The following TARS2 variants were observed in gnomAD, a reference collection of about 807,000 sequenced individuals.
The protein encoded by TARS2 is threonyl-tRNA synthetase 2, mitochondrial.
Under a neutral mutation model 94.4 loss-of-function variants are expected in TARS2, and 61 were observed. The ratio of observed to expected loss-of-function variants is 0.65; its 90% CI spans 0.53 to 0.80. The LOEUF is 0.80. TARS2 is among the 30% of genes least tolerant of loss of function. The pLI is 0.00. For missense variants in TARS2, 704 were observed against 902.5 expected, an observed-to-expected ratio of 0.78 and a Z score of 2.82; for synonymous variants, 359 against 353.4, an observed-to-expected ratio of 1.02 and a Z score of -0.18.
intron 6 of TARS2, chr1:150,491,964 T>TTG (rs1428189258): frequency 1.6e-5 from 3 of 190,284 alleles, no homozygotes; most frequent in African/African-American, 1.2e-4. Flanking sequence ...CTGGCTAGTT[T>TTG]TTTTTTTTTT....
At chr1:150,497,942 A>G (rs1042240300) in intron 10 of TARS2, among the ~76,000 whole-genome samples, 195 bp downstream of exon 10, 1 of 151,450 alleles carries the variant, frequency 6.6e-6, no homozygotes, top group African/African-American at 2.4e-5. Context: ...AAATACAAAA[A>G]ATTAGCCGGG....
At chr1:150,495,158 C>T (rs369247441) in intron 7 of TARS2, among the ~76,000 whole-genome samples, 8 of 143,340 alleles carry the variant, frequency 5.6e-5, no homozygotes, top group African/African-American at 1.3e-4. Context: ...CCAGCCTGGG[C>T]GACAGCGAGA....
chr1:150,507,073 A>G lies in TARS2; in HGVS notation c.*9A>G, dbSNP rs1670261920. The G allele has an allele frequency of 8.7e-6, 14 of 1,613,770 alleles. No individual in the cohort carries two copies. Among genetic ancestry groups the G allele is most frequent in the Non-Finnish European group, 1.2e-5 (14 of 1,179,888 alleles). On this transcript the variant is annotated 3_prime_UTR_variant, in exon 18 of 18. Coordinates refer to ENST00000369064, the MANE Select transcript of TARS2 (RefSeq NM_025150.5). ...CCGAAGAAATTTTCTGAGCCTTTGT[A>G]CATAGATGAGGCAAAAACCTGCGAG...
At chr1:150,504,460 T>G (rs1289294650) in intron 14 of TARS2, 25 bp downstream of exon 14, 1 of 1,612,160 alleles carries the variant, frequency 6.2e-7, no homozygotes, top group South Asian at 1.1e-5. Flanking sequence ...CCTATCCTCT[T>G]TTCCCTTGAC....
At chr1:150,499,586 G>A (rs1277478158) in intron 13 of TARS2, among the ~76,000 whole-genome samples, 13 of 152,044 alleles carry the variant, frequency 8.6e-5, no homozygotes, top group Non-Finnish European at 1.6e-4. Flanking sequence ...GACTGGTCTC[G>A]AACTCCTGAC....
At chr1:150,501,026 G>A (rs1352278332) in intron 13 of TARS2, among the ~76,000 whole-genome samples, 1 of 152,074 alleles carries the variant, frequency 6.6e-6, no homozygotes, top group African/African-American at 2.4e-5. Flanking sequence ...TGTAGGCATG[G>A]TAACAGGAAG....
In TARS2 at chr1:150,499,210, T is replaced by C; in HGVS notation, c.1540-6T>C. 6.2e-7 allele frequency: 1 copy of C among 1,614,140 alleles called. No homozygotes were observed. The highest frequency in any genetic ancestry group is 8.5e-7 in the Non-Finnish European group (1 of 1,180,018). On this transcript the variant is annotated splice_polypyrimidine_tract_variant and splice_region_variant and intron_variant, in intron 12 of 17. Coordinates refer to ENST00000369064, the MANE Select transcript of TARS2 (RefSeq NM_025150.5). ...TGTATTCCACTCTTGTCTCATTCCT[T>C]CAAAGGTCCTTAAACAGGCCCTGAA...
rs1450451091 is a variant in TARS2, at chr1:150,504,889, T to C, written c.1821-17T>C. The stretch of plus-strand genomic sequence containing the variant: ...CCAGAGTGACTAATTTGCCATCACC[T>C]GTTCTTTCCCTACCAGGCCACTGTG... On this transcript the variant is annotated splice_polypyrimidine_tract_variant and intron_variant, in intron 15 of 17. Transcript: ENST00000369064. The C allele has an allele frequency of 6.2e-7, 1 of 1,614,170 alleles. No homozygotes were observed. The highest frequency in any genetic ancestry group is 8.5e-7 in the Non-Finnish European group (1 of 1,179,990).
intron 7 of TARS2, among the ~76,000 whole-genome samples, chr1:150,495,136 C>T (rs1191527817): frequency 2.0e-5 from 3 of 150,332 alleles, no homozygotes; most frequent in Admixed American, 6.6e-5. Flanking sequence ...GCCAAGATCA[C>T]GCCACTGCAC....
Position 150,502,943 on chromosome 1 carries a change from A to G in TARS2, c.1618-1392A>G, listed in dbSNP as rs587768215. Among the ~76,000 whole-genome samples the G allele has an allele frequency of 9.4e-4, 143 of 152,340 alleles. 4 individuals are homozygous for G. In the South Asian group the frequency reaches 0.028, roughly 30 times the overall value. ...GAAAAAAATTGAGAGAGGTTAAACA[A>G]TGTGCTTAAGGTTACAGATATAACA... On this transcript the variant is annotated intron_variant, in intron 13 of 17. Transcript: ENST00000369064.
intron 7 of TARS2, among the ~76,000 whole-genome samples, chr1:150,494,370 CA>C (rs377287320): frequency 0.14 from 13,013 of 89,760 alleles, 345 homozygotes; most frequent in Non-Finnish European, 0.2. Context: ...GACAACATCT[CA>C]AAAAAAAAAA....
chr1:150,487,616 C>G, intron 1 of TARS2, 100 bp downstream of exon 1: 1 of 1,496,270 alleles, frequency 6.7e-7, no homozygotes, highest in Non-Finnish European at 9.1e-7. Context: ...CTCCTCCTCT[C>G]CCTGGTCCTC....
intron 6 of TARS2, 27 bp downstream of exon 6, chr1:150,491,689 CAG>C (rs747776158): frequency 1.1e-5 from 17 of 1,611,672 alleles, no homozygotes; most frequent in Non-Finnish European, 1.2e-5. Flanking sequence ...TTAAGGCAAA[CAG>C]AGAGGTGGGG....
chr1:150,503,585 A>ATATATGTGTGTGTG (rs1461714331), intron 13 of TARS2, among the ~76,000 whole-genome samples: 14 of 137,174 alleles, frequency 1.0e-4, no homozygotes, highest in African/African-American at 4.0e-4. Flanking sequence ...GTGTATATAT[A>ATATATGTGTGTGTG]TGTGTGTGTG....
rs761885209 is a variant in TARS2, at chr1:150,499,400, G to A, written c.1617+107G>A. The A allele has an allele frequency of 1.1e-4, 117 of 1,051,144 alleles. 1 individual carries two copies. The South Asian group carries it at 1.5e-3, about 13-fold the overall frequency. 65.1% of individuals were successfully genotyped at this position (1,051,144 alleles called of 1,614,324 possible). A position where few individuals can be genotyped will look rare whatever the true frequency, so the allele number is the denominator to read the frequency against. Reference sequence around the variant, plus strand: ...TTTTTTTTTGAGACAGTCTCACTCTGTCACCCAGGCTAAAATGCAGTGGTG... The same window carrying A: ...TTTTTTTTTGAGACAGTCTCACTCTATCACCCAGGCTAAAATGCAGTGGTG... On this transcript the variant is annotated intron_variant, in intron 13 of 17. Transcript: ENST00000369064.
chr1:150,499,730 G>A (rs750066364), intron 13 of TARS2, among the ~76,000 whole-genome samples: 12 of 152,072 alleles, frequency 7.9e-5, no homozygotes, highest in Non-Finnish European at 1.8e-4. Context: ...TGCCCTCTTG[G>A]CATCTGCAAT....
chr1:150,498,432 T>C (rs1340511690), intron 10 of TARS2, 70 bp from the exon 11 acceptor site: 7 of 1,492,718 alleles, frequency 4.7e-6, no homozygotes, highest in Admixed American at 2.5e-5. Context: ...GGCAAGCAGA[T>C]TGGGTGGAGG....
At chr1:150,493,789 A>G (rs1256643526) in intron 7 of TARS2, among the ~76,000 whole-genome samples, 1 of 151,828 alleles carries the variant, frequency 6.6e-6, no homozygotes, top group Admixed American at 6.6e-5. Context: ...ACTGTTCTGG[A>G]CAAGAAGAGT....
intron 9 of TARS2, 72 bp downstream of exon 9, chr1:150,496,980 G>T: frequency 8.1e-6 from 12 of 1,478,366 alleles, no homozygotes; most frequent in Non-Finnish European, 1.1e-5. Flanking sequence ...TAAGGTGTTT[G>T]TGTTAAAAGA....
Sources: allele counts gnomAD v4.1 joint callset (sites outside exome capture counted in the v4.1 genomes callset), GRCh38; gene constraint gnomAD v4.1.1; transcripts MANE v1.5; gene names NCBI Gene and HGNC (gene_info 2026-07-23, HGNC 2026-07-21).